Variants in ADGRG5 observed in about 807,000 individuals in gnomAD.
ADGRG5 encodes G protein-coupled receptor 114.
Under a neutral mutation model 53.2 loss-of-function variants are expected in ADGRG5, and 37 were observed. The observed-to-expected ratio is 0.70, with a 90% CI of 0.53 to 0.91. The LOEUF is 0.91. Among genes scored for constraint, ADGRG5 ranks in the 40% least tolerant of loss-of-function variants. ADGRG5 has a pLI of 0.00. For missense variants in ADGRG5, 614 were observed against 675.8 expected, an observed-to-expected ratio of 0.91 and a Z score of 1.01; for synonymous variants, 277 against 290.4, an observed-to-expected ratio of 0.95 and a Z score of 0.47.
chr16:57,553,254 A>C (rs532938601), intron 1 of ADGRG5, among the ~76,000 whole-genome samples: 5 of 152,310 alleles, frequency 3.3e-5, no homozygotes, highest in East Asian at 1.9e-4. Context: ...TGTAAAAAAA[A>C]CCCACAAGAT....
chr16:57,575,377 G>A (rs1407583418), intron 11 of ADGRG5, 61 bp from the exon 12 acceptor site: 19 of 1,501,926 alleles, frequency 1.3e-5, no homozygotes, highest in Non-Finnish European at 1.8e-5. Context: ...TGCAGCCAAG[G>A]AGACCCTGGC....
At chr16:57,529,391 G>T in the ADGRG5 span, 3 of 450,396 alleles carry the variant, frequency 6.7e-6, no homozygotes, top group African/African-American at 2.1e-5. This position sits in a 1 kb window ranked among gnomAD's most constrained non-coding sequence, Gnocchi z 4.1. Flanking sequence ...CCGCGCCAAG[G>T]CCCTGGCGGA....
chr16:57,567,943 A>G lies in ADGRG5; in HGVS notation c.909A>G (p.Ala303=), dbSNP rs144418743. Residue 303 remains alanine, a synonymous_variant, in exon 9 of 12, where the codon GCA becomes GCG. Coordinates refer to ENST00000349457, the MANE Select transcript of ADGRG5 (RefSeq NM_001304376.3). The part of the protein sequence containing the change: ...LLNIAFLLSP[A]FAMSPVPGSA... ...ACATCGCCTTCCTGCTGAGCCCCGC[A>G]TTCGCAATGTCTCCTGTGCCCGGGT... The G allele has an allele frequency of 1.0e-4, 162 of 1,613,796 alleles. 1 individual carries two copies. Among genetic ancestry groups the G allele is most frequent in the Non-Finnish European group, 1.3e-4 (156 of 1,179,944 alleles).
In ADGRG5 at chr16:57,547,408, T is replaced by C. The variant is rs1196264344; in HGVS notation, c.-39+4707T>C. 2.6e-5 allele frequency among the ~76,000 whole-genome samples: 4 copies of C among 152,236 alleles called. No individual in the cohort carries two copies. In the East Asian group the frequency reaches 7.7e-4, roughly 29 times the overall value. ...CTGTCCTTTCCACTCAGTGATATGC[T>C]GTGCTCTTCTTTTACATGGCTTTGT... On this transcript the variant is annotated intron_variant, in intron 1 of 11. Transcript: ENST00000349457.
At chr16:57,568,584 C>G (rs1262796053) in intron 9 of ADGRG5, among the ~76,000 whole-genome samples, 1 of 151,704 alleles carries the variant, frequency 6.6e-6, no homozygotes, top group Non-Finnish European at 1.5e-5. Context: ...TCACCACCTC[C>G]TCCACCATCA....
upstream of ADGRG5, among the ~76,000 whole-genome samples, chr16:57,541,013 A>C (rs1598087641): frequency 6.6e-6 from 1 of 152,030 alleles, no homozygotes; most frequent in Non-Finnish European, 1.5e-5. Flanking sequence ...CTGGTCTCAA[A>C]CTCCTAGCCT....
the ADGRG5 span, among the ~76,000 whole-genome samples, chr16:57,530,605 C>T: frequency 6.6e-6 from 1 of 152,082 alleles, no homozygotes; most frequent in Admixed American, 6.5e-5. Context: ...TCATGATTTG[C>T]AGTGAAAAAG....
At chr16:57,534,060 G>T in the ADGRG5 span, among the ~76,000 whole-genome samples, 4 of 152,244 alleles carry the variant, frequency 2.6e-5, no homozygotes, top group African/African-American at 9.6e-5. Flanking sequence ...TAAGTCTCTG[G>T]GTTTGTATTC....
At chr16:57,572,461 ACT>A (rs1249741924) in intron 10 of ADGRG5, among the ~76,000 whole-genome samples, 1 of 151,048 alleles carries the variant, frequency 6.6e-6, no homozygotes, top group Non-Finnish European at 1.5e-5. Flanking sequence ...CGACAGCGAG[ACT>A]CTGACTCAAA....
At chr16:57,548,001 G>A (rs2032659296) in intron 1 of ADGRG5, among the ~76,000 whole-genome samples, 1 of 152,020 alleles carries the variant, frequency 6.6e-6, no homozygotes, top group Non-Finnish European at 1.5e-5. Context: ...GCCCACCTAG[G>A]CCTCCCAGCG....
At chr16:57,531,081 G>A in the ADGRG5 span, among the ~76,000 whole-genome samples, 17 of 151,782 alleles carry the variant, frequency 1.1e-4, no homozygotes, top group East Asian at 3.9e-4. Flanking sequence ...CTCCTCTCAC[G>A]ATATCCCTGC....
chr16:57,571,560 T>C (rs758307034), intron 10 of ADGRG5, among the ~76,000 whole-genome samples: 2 of 152,116 alleles, frequency 1.3e-5, no homozygotes, highest in Admixed American at 6.6e-5. Context: ...TGACAACCCA[T>C]AAGGCAAGTA....
chr16:57,529,703 T>C, the ADGRG5 span, among the ~76,000 whole-genome samples: 9 of 152,098 alleles, frequency 5.9e-5, no homozygotes, highest in East Asian at 3.9e-4. The surrounding 1 kb of genome is among the most constrained non-coding windows in gnomAD (Gnocchi z 4.1). Flanking sequence ...CTAACTCTTC[T>C]CATATTTAAG....
Position 57,570,024 on chromosome 16 carries a change from C to G in ADGRG5, c.1091-394C>G, listed in dbSNP as rs535373016. 3.3e-5 allele frequency among the ~76,000 whole-genome samples: 5 copies of G among 152,344 alleles called. No homozygotes were observed. The South Asian group carries it at 1.0e-3, about 32-fold the overall frequency. On this transcript the variant is annotated intron_variant, in intron 9 of 11. Coordinates refer to ENST00000349457, the MANE Select transcript of ADGRG5 (RefSeq NM_001304376.3). The stretch of plus-strand genomic sequence containing the variant: ...TCACCACCATCACCACCTACTCCAC[C>G]TCCATCTCCACCATCATCACTTCCT...
chr16:57,567,454 C>G lies in ADGRG5; in HGVS notation c.700-16C>G, dbSNP rs1183582278. ...ATACTATGCTTCTGGCCTCCAGCCC[C>G]TCTTCCCTCCTGCAGCAACTCTCCC... On this transcript the variant is annotated splice_polypyrimidine_tract_variant and intron_variant, in intron 7 of 11. Transcript: ENST00000349457. The G allele has an allele frequency of 6.2e-7, 1 of 1,605,054 alleles. No individual in the cohort carries two copies. The highest frequency in any genetic ancestry group is 1.3e-5 in the African/African-American group (1 of 74,904).
rs1732605437 is a variant in ADGRG5 at position 57,574,300 on chromosome 16, A to C, written c.1209-515A>C. Among the ~76,000 whole-genome samples, 1 of 152,166 alleles carries C rather than the reference A, an allele frequency of 6.6e-6. No individual in the cohort carries two copies. Among genetic ancestry groups the C allele is most frequent in the Non-Finnish European group, 1.5e-5 (1 of 68,028 alleles). ...CCTGTCCACCAAGCCACAGGTTGGCAGCCCGCCCACTCTCCAGCGCAGGCC... is the reference window on the plus strand; with the variant it reads ...CCTGTCCACCAAGCCACAGGTTGGCCGCCCGCCCACTCTCCAGCGCAGGCC... On this transcript the variant is annotated intron_variant, in intron 10 of 11. Transcript: ENST00000349457. The surrounding 1 kb of genome is among the most constrained non-coding windows in gnomAD (Gnocchi z 4.4).
the ADGRG5 span, chr16:57,529,329 G>A: frequency 9.4e-7 from 1 of 1,064,352 alleles, no homozygotes; most frequent in Non-Finnish European, 1.2e-6. This position sits in a 1 kb window ranked among gnomAD's most constrained non-coding sequence, Gnocchi z 4.1. Flanking sequence ...TCGGACCTAC[G>A]GGAGAACACA....
chr16:57,551,794 A>G (rs750282695), intron 1 of ADGRG5, among the ~76,000 whole-genome samples: 15 of 152,186 alleles, frequency 9.9e-5, no homozygotes, highest in Non-Finnish European at 1.8e-4. Context: ...CAGATTTTCA[A>G]TTTACTTTGC....
At chr16:57,573,295 G>C (rs1463540150) in intron 10 of ADGRG5, among the ~76,000 whole-genome samples, 1 of 151,908 alleles carries the variant, frequency 6.6e-6, no homozygotes, top group Non-Finnish European at 1.5e-5. Flanking sequence ...TTAGCTGGGC[G>C]TGGTGTCAGG....
Sources: gnomAD v4.1 joint callset for allele counts (sites outside exome capture counted in the v4.1 genomes callset) on GRCh38, gnomAD v4.1.1 for gene constraint, Gnocchi (gnomAD v3.1) non-coding constraint, MANE v1.5 for transcripts, NCBI Gene and HGNC (gene_info 2026-07-23, HGNC 2026-07-21) for gene names.